Variants in MDN1 observed in about 807,000 individuals in gnomAD.
MDN1 encodes the protein midasin AAA ATPase 1.
A neutral mutation model predicts 669.2 loss-of-function variants in MDN1; 266 were observed. That is an observed-to-expected ratio of 0.40 (90% CI 0.36 to 0.44). The LOEUF is 0.44. MDN1 is among the 20% of genes least tolerant of loss of function. The pLI is 1.00. For missense variants in MDN1, 5,940 were observed against 6,754.0 expected, an observed-to-expected ratio of 0.88 and a Z score of 4.22; for synonymous variants, 2,385 against 2,457.1, an observed-to-expected ratio of 0.97 and a Z score of 0.87.
chr6:89,653,786 T>C (rs768490223), intron 93 of MDN1, among the ~76,000 whole-genome samples: 26 of 152,280 alleles, frequency 1.7e-4, no homozygotes, highest in Non-Finnish European at 2.9e-4. Flanking sequence ...TTTAATATTT[T>C]ACTGCATTTT....
chr6:89,781,092 G>T, intron 10 of MDN1: 2 of 353,654 alleles, frequency 5.7e-6, no homozygotes, highest in South Asian at 6.0e-5. Context: ...TTCAGTGAAA[G>T]AATTATGTTA....
At chr6:89,684,204 T>C (rs974252994) in intron 71 of MDN1, among the ~76,000 whole-genome samples, 1 of 151,966 alleles carries the variant, frequency 6.6e-6, no homozygotes, top group African/African-American at 2.4e-5. Flanking sequence ...ATAGCCGGGC[T>C]TGGTGGCTTG....
chr6:89,679,797 G>C (rs530745904), intron 74 of MDN1, among the ~76,000 whole-genome samples: 18 of 152,332 alleles, frequency 1.2e-4, no homozygotes, highest in African/African-American at 3.8e-4. Context: ...GTGAGCACAA[G>C]GACACCAAAG....
chr6:89,789,855 A>C lies in MDN1; in HGVS notation c.1155T>G (p.Pro385=), dbSNP rs571217347. ...TDVPGEFVWQ[P]GTLTQAATMG... is the part of the protein sequence containing the mutation. Reference sequence around the variant, plus strand: ...TTGTGGCTGCCTGTGTCAGGGTGCCAGGCTGCCACACAAACTCTCCAGGAA... The same window carrying C: ...TTGTGGCTGCCTGTGTCAGGGTGCCCGGCTGCCACACAAACTCTCCAGGAA... The change falls in exon 7 of 102, where the codon CCT becomes CCG. Residue 385 remains proline, a synonymous_variant. Coordinates refer to ENST00000369393, the MANE Select transcript of MDN1 (RefSeq NM_014611.3). 120 of 1,614,132 alleles carry C rather than the reference A, an allele frequency of 7.4e-5. 1 individual carries two copies. The South Asian group carries it at 1.2e-3, about 16-fold the overall frequency.
chr6:89,662,935 C>T lies in MDN1; in HGVS notation c.14269G>A (p.Gly4757Arg), dbSNP rs146464056. 4.3e-6 allele frequency: 7 copies of T among 1,614,054 alleles called. No individual in the cohort carries two copies. Among genetic ancestry groups the T allele is most frequent in the Admixed American group, 1.7e-5 (1 of 60,016 alleles). The change falls in exon 86 of 102, where the codon GGA becomes AGA. Residue 4757 changes from glycine to arginine, a missense_variant. Coordinates refer to ENST00000369393, the MANE Select transcript of MDN1 (RefSeq NM_014611.3). ...EDDEKSDSEG[G>R]DLDKHMGDLN... is the part of the protein sequence containing the mutation. ...TCGCCCATGTGTTTATCCAGGTCTC[C>T]GCCCTCACTATCTGATTTCTCATCA... is the stretch of plus-strand genomic sequence containing the variant.
At position 89,695,357 on chromosome 6, in the gene MDN1, T is replaced by C. The variant is rs1481995005; in HGVS notation, c.9771+248A>G. 6.6e-6 allele frequency among the ~76,000 whole-genome samples: 1 copy of C among 152,122 alleles called. No individual in the cohort carries two copies. Among genetic ancestry groups the C allele is most frequent in the Non-Finnish European group, 1.5e-5 (1 of 68,030 alleles). The stretch of plus-strand genomic sequence containing the variant: ...AGGTTTTCTACCTGCCCTCTGCCCA[T>C]TGCACCTATTGGCAGAGATCTCAGA... On this transcript the variant is annotated intron_variant, in intron 61 of 101. Coordinates refer to ENST00000369393, the MANE Select transcript of MDN1 (RefSeq NM_014611.3). This position sits in a 1 kb window ranked among gnomAD's most constrained non-coding sequence, Gnocchi z 4.1.
chr6:89,644,132 C>A lies in MDN1; in HGVS notation c.16664G>T (p.Arg5555Leu). 1.2e-6 allele frequency: 2 copies of A among 1,614,038 alleles called. No individual in the cohort carries two copies. The highest frequency in any genetic ancestry group is 1.3e-5 in the African/African-American group (1 of 75,006). Residue 5555 changes from arginine (R) to leucine (L), a missense_variant, in exon 102 of 102, where the codon CGA becomes CTA. This residue lies in a region of MDN1 where 2,280 missense variants were observed against 2,576.3 expected (regional missense o/e 0.88). Coordinates refer to ENST00000369393, the MANE Select transcript of MDN1 (RefSeq NM_014611.3). ...FKGPGEMPEI[R>L]SYMEEFPFPY... ...GAATGGGAACTCTTCCATGTAGGAT[C>A]GGATTTCAGGCATCTCTCCAGGTCC...
At position 89,706,069 on chromosome 6, in the gene MDN1, C is replaced by T. The variant is rs780275373; in HGVS notation, c.8138G>A (p.Ser2713Asn). The T allele has an allele frequency of 2.5e-6, 4 of 1,602,822 alleles. No homozygotes were observed. The East Asian group carries it at 8.9e-5, about 36-fold the overall frequency. ...GATGCAGTTCCTTACCTCATTGGCA[C>T]TGGCATCAGACACCATTCCCTGGGA... ...QSSQGMVSDA[S>N]ANEILGSLRW... The change falls in exon 53 of 102, where the codon AGT (serine) becomes AAT (asparagine). Residue 2713 changes from serine to asparagine, a missense_variant. This residue lies in a region of MDN1 where 2,292 missense variants were observed against 2,638.3 expected (regional missense o/e 0.87). Transcript: ENST00000369393.
chr6:89,672,750 A>G (rs768463610), intron 80 of MDN1, 48 bp from the exon 81 acceptor site: 12 of 1,587,414 alleles, frequency 7.6e-6, no homozygotes, highest in African/African-American at 5.4e-5. Flanking sequence ...AAAGACACCA[A>G]TCATTTGCTT....
At chr6:89,771,536 G>GA (rs1818076265) in intron 15 of MDN1, 25 bp downstream of exon 15, 4 of 1,595,280 alleles carry the variant, frequency 2.5e-6, no homozygotes, top group Non-Finnish European at 2.6e-6. Flanking sequence ...ACAAAAATAA[G>GA]AAAAAAATTT....
intron 23 of MDN1, 24 bp downstream of exon 23, chr6:89,751,407 G>A: frequency 6.2e-7 from 1 of 1,613,742 alleles, no homozygotes; most frequent in South Asian, 1.1e-5. Flanking sequence ...CAAGTTCGGG[G>A]CAGCGAGAAA....
intron 43 of MDN1, among the ~76,000 whole-genome samples, 162 bp downstream of exon 43, chr6:89,718,204 C>T (rs1307987058): frequency 6.6e-6 from 1 of 152,190 alleles, no homozygotes; most frequent in Admixed American, 6.5e-5. Context: ...ATTCTGAATA[C>T]TTTACCTCAG....
In MDN1 at chr6:89,707,386, C is replaced by G; in HGVS notation, c.7989G>C (p.Leu2663Phe). Residue 2663 changes from leucine (L) to phenylalanine (F), a missense_variant, in exon 52 of 102, where the codon TTG becomes TTC. Around this residue, in one of 5 missense-constraint regions of MDN1, gnomAD observed 2,292 missense variants for 2,638.3 expected, o/e 0.87. Transcript: ENST00000369393. ...VGSKKLRESVLRMSFEFHQDP... is the reference protein window; with the variant it reads ...VGSKKLRESVFRMSFEFHQDP... ...CTTGATGGAATTCAAAGGACATTCT[C>G]AAAACACTCTCTCTTAGCTTTTTGC... 1 of 1,613,216 alleles carries G rather than the reference C, an allele frequency of 6.2e-7. No homozygotes were observed. Among genetic ancestry groups the G allele is most frequent in the Non-Finnish European group, 8.5e-7 (1 of 1,179,202 alleles).
At chr6:89,689,766 G>T in intron 65 of MDN1, 104 bp downstream of exon 65, 1 of 1,339,376 alleles carries the variant, frequency 7.5e-7, no homozygotes, top group Non-Finnish European at 1.0e-6. Flanking sequence ...AAGGAATTAT[G>T]CGAAAACAGG....
At position 89,749,650 on chromosome 6, in the gene MDN1, C is replaced by G; in HGVS notation, c.3508G>C (p.Asp1170His). Residue 1170 changes from aspartate to histidine, a missense_variant, in exon 25 of 102, where the codon GAT becomes CAT. Asp to His is a moderately conservative substitution (Grantham distance 81). Around this residue, in one of 5 missense-constraint regions of MDN1, gnomAD observed 2,292 missense variants for 2,638.3 expected, o/e 0.87. Coordinates refer to ENST00000369393, the MANE Select transcript of MDN1 (RefSeq NM_014611.3). ...VLEALNRLLDDNRELLVTETQ... is the reference protein window; with the variant it reads ...VLEALNRLLDHNRELLVTETQ... ...TCTGTTACTAGCAATTCACGGTTAT[C>G]ATCCAACAGCCTATTCAGCGCCTCT... 6.2e-7 allele frequency: 1 copy of G among 1,614,150 alleles called. No individual in the cohort carries two copies. The highest frequency in any genetic ancestry group is 8.5e-7 in the Non-Finnish European group (1 of 1,180,024).
chr6:89,777,854 T>C (rs1243882279), intron 11 of MDN1, among the ~76,000 whole-genome samples: 2 of 152,114 alleles, frequency 1.3e-5, no homozygotes, highest in African/African-American at 4.8e-5. Context: ...CCTAGTACCC[T>C]GCCCACCAAA....
intron 73 of MDN1, among the ~76,000 whole-genome samples, chr6:89,681,681 T>C (rs561620582): frequency 6.5e-4 from 99 of 152,280 alleles, no homozygotes; most frequent in African/African-American, 2.3e-3. Context: ...TCTGCAGCCA[T>C]CTTATGGCTG....
At chr6:89,749,784 TA>T in intron 24 of MDN1, 33 bp from the exon 25 acceptor site, 1 of 1,493,108 alleles carries the variant, frequency 6.7e-7, no homozygotes, top group Non-Finnish European at 9.3e-7. Context: ...AACTAGTGTA[TA>T]AATCAGTACA....
chr6:89,690,685 G>A lies in MDN1; in HGVS notation c.10737C>T (p.Pro3579=), dbSNP rs1410769289. 2 of 1,614,048 alleles carry A rather than the reference G, an allele frequency of 1.2e-6. No individual in the cohort carries two copies. Among genetic ancestry groups the A allele is most frequent in the Non-Finnish European group, 1.7e-6 (2 of 1,179,986 alleles). Reference sequence around the variant, plus strand: ...ATCACTGCTCTACCTTTTCATGCAGGGGGAACTGTTTTCTGAACTCCCGTT... The same window carrying A: ...ATCACTGCTCTACCTTTTCATGCAGAGGGAACTGTTTTCTGAACTCCCGTT... ...EEEREFRKQF[P]LHEKDFADIL... The change falls in exon 64 of 102, where the codon CCC becomes CCT. Residue 3579 remains proline, a synonymous_variant. Transcript: ENST00000369393.
Sources: gnomAD v4.1 joint callset for allele counts (sites outside exome capture counted in the v4.1 genomes callset) on GRCh38, gnomAD v4.1.1 for gene constraint, gnomAD v4.1.1 regional missense constraint, Gnocchi (gnomAD v3.1) non-coding constraint, MANE v1.5 for transcripts, NCBI Gene and HGNC (gene_info 2026-07-23, HGNC 2026-07-21) for gene names.